FAIM2: variants seen among roughly 807,000 people sequenced by gnomAD.
The protein encoded by FAIM2 is protein lifeguard 2.
In FAIM2, 27 loss-of-function variants were observed where a neutral mutation model predicts 47.4. That is an observed-to-expected ratio of 0.57 (90% CI 0.42 to 0.78). The LOEUF is 0.78. FAIM2 is among the 30% of genes least tolerant of loss of function. The probability of loss-of-function intolerance (pLI) is 0.00; values close to 1 mark genes in which losing one functional copy is unlikely to be tolerated. For synonymous variants in FAIM2, 156 were observed against 159.3 expected, an observed-to-expected ratio of 0.98 and a Z score of 0.16; for missense variants, 311 against 389.4, an observed-to-expected ratio of 0.80 and a Z score of 1.69.
At chr12:49,887,261 C>T in intron 11 of FAIM2, 125 bp downstream of exon 11, 1 of 839,646 alleles carries the variant, frequency 1.2e-6, no homozygotes, top group Non-Finnish European at 2.0e-6. Flanking sequence ...CCGAGCCTAG[C>T]CCTACCCGCA....
At chr12:49,894,247 C>T (rs1177768092) in intron 5 of FAIM2, among the ~76,000 whole-genome samples, 4 of 152,192 alleles carry the variant, frequency 2.6e-5, no homozygotes, top group African/African-American at 9.7e-5. Flanking sequence ...GTGGGACTCC[C>T]CACTAGAGTT....
In FAIM2 at chr12:49,879,148, ATGTGCATGTGTATGTGTG is replaced by A. The variant is rs1165157803; in HGVS notation, c.801+8220_801+8237del. Among the ~76,000 whole-genome samples the A allele has an allele frequency of 2.0e-4, 25 of 126,214 alleles. 3 individuals carry two copies. The allele number at this position is 126,214 out of a possible 152,430, so 82.8% of individuals were successfully genotyped here. On this transcript the variant is annotated intron_variant, in intron 11 of 11. Transcript: ENST00000320634. The stretch of plus-strand genomic sequence containing the variant: ...TGTGCATATCTCTGCATGTTTGTGT[ATGTGCATGTGTATGTGTG>A]TGTGCATGAGTGCATGTGTATGCAT...
chr12:49,901,978 G>T, intron 1 of FAIM2: 1 of 152,630 alleles, frequency 6.6e-6, no homozygotes. Context: ...CAGGCTAAGG[G>T]TCTGTTCTGG....
Position 49,897,010 on chromosome 12 carries a change from TG to T in FAIM2, c.434+20del. On this transcript the variant is annotated intron_variant, in intron 5 of 11. Transcript: ENST00000320634. ...CACTAAGCCTTCTCTGGAAGGGGAC[TG>T]GGGACTGAGATATACTCACTAGGAT... is the stretch of plus-strand genomic sequence containing the variant. 6.2e-7 allele frequency: 1 copy of T among 1,603,070 alleles called. No homozygotes were observed. The highest frequency in any genetic ancestry group is 8.5e-7 in the Non-Finnish European group (1 of 1,169,942).
At chr12:49,903,237 A>G (rs1946993560) in intron 1 of FAIM2, among the ~76,000 whole-genome samples, 1 of 152,274 alleles carries the variant, frequency 6.6e-6, no homozygotes, top group Non-Finnish European at 1.5e-5. Flanking sequence ...CAATTAGAGC[A>G]TCTTGATGCA....
At chr12:49,879,604 GTGTA>G (rs1292496599) in intron 11 of FAIM2, among the ~76,000 whole-genome samples, 44 of 151,808 alleles carry the variant, frequency 2.9e-4, no homozygotes, top group African/African-American at 8.7e-4. Flanking sequence ...GTGCATGCGA[GTGTA>G]TGTGTGTGCA....
intron 11 of FAIM2, among the ~76,000 whole-genome samples, chr12:49,879,241 CATGTGTGTGCATGTGTGT>C (rs1946778273): frequency 9.6e-6 from 1 of 104,328 alleles, no homozygotes; most frequent in Non-Finnish European, 1.8e-5. Flanking sequence ...TGTATGCATG[CATGTGTGTGCATGTGTGT>C]ATGTGTGCAT....
Position 49,878,653 on chromosome 12 carries a change from C to T in FAIM2, c.802-8000G>A, listed in dbSNP as rs1235241177. Among the ~76,000 whole-genome samples the T allele has an allele frequency of 3.1e-4, 26 of 83,164 alleles. 4 individuals are homozygous for T. Among genetic ancestry groups the T allele is most frequent in the Admixed American group, 3.9e-4 (3 of 7,606 alleles). 54.6% of individuals were successfully genotyped at this position (83,164 alleles called of 152,430 possible). On this transcript the variant is annotated intron_variant, in intron 11 of 11. Transcript: ENST00000320634. ...ATGTATGTGCCCTTGTATATATGTG[C>T]GCTTGTATGTGCATGTGTGTATGTG...
intron 11 of FAIM2, among the ~76,000 whole-genome samples, chr12:49,877,855 CAT>C (rs1302180404): frequency 1.2e-4 from 18 of 150,036 alleles, no homozygotes; most frequent in African/African-American, 3.4e-4. Context: ...TAGGTGTGTG[CAT>C]GTGTGTGTGA....
At chr12:49,903,566 A>T (rs1390314393) in intron 1 of FAIM2, among the ~76,000 whole-genome samples, 2 of 152,216 alleles carry the variant, frequency 1.3e-5, no homozygotes, top group Admixed American at 1.3e-4. Flanking sequence ...GCAGGGTGAC[A>T]GGGGAGGAGA....
chr12:49,889,694 T>C, intron 8 of FAIM2, 126 bp from the exon 9 acceptor site: 3 of 733,186 alleles, frequency 4.1e-6, no homozygotes, highest in Non-Finnish European at 7.1e-6. Flanking sequence ...CTGGTGCCCT[T>C]TCCCCAGATC....
chr12:49,897,352 C>T (rs1946944982), intron 4 of FAIM2, among the ~76,000 whole-genome samples, 167 bp downstream of exon 4: 1 of 152,148 alleles, frequency 6.6e-6, no homozygotes, highest in Non-Finnish European at 1.5e-5. Flanking sequence ...GACAGAGGGC[C>T]CCTTGCCTGG....
At chr12:49,887,084 C>A (rs1002056550) in intron 11 of FAIM2, among the ~76,000 whole-genome samples, 8 of 152,084 alleles carry the variant, frequency 5.3e-5, no homozygotes, top group African/African-American at 1.4e-4. Context: ...CTCTCGCCCC[C>A]GCAAGCACCG....
At chr12:49,880,167 T>TGTGTGTCTGTGC (rs146657856) in intron 11 of FAIM2, among the ~76,000 whole-genome samples, 8 of 143,418 alleles carry the variant, frequency 5.6e-5, no homozygotes, top group Non-Finnish European at 1.1e-4. Context: ...TGCATGTGTG[T>TGTGTGTCTGTGC]ATGTGTGTGT....
rs545884899 is a variant in FAIM2 at position 49,885,866 on chromosome 12, G to C, written c.801+1520C>G. On this transcript the variant is annotated intron_variant, in intron 11 of 11. Coordinates refer to ENST00000320634, the MANE Select transcript of FAIM2 (RefSeq NM_012306.4). Reference sequence around the variant, plus strand: ...CTGCTGACCAGGCATCTGGGCAGCCGTGCTGCACATCACACACAGTAGGTG... The same window carrying C: ...CTGCTGACCAGGCATCTGGGCAGCCCTGCTGCACATCACACACAGTAGGTG... Among the ~76,000 whole-genome samples the C allele has an allele frequency of 2.0e-5, 3 of 152,264 alleles. No homozygotes were observed. In the South Asian group the frequency reaches 6.2e-4, roughly 32 times the overall value.
rs1366278656 is a variant in FAIM2 at position 49,891,066 on chromosome 12, G to T, written c.483C>A (p.Pro161=). The T allele has an allele frequency of 6.2e-7, 1 of 1,613,916 alleles. No homozygotes were observed. Among genetic ancestry groups the T allele is most frequent in the East Asian group, 2.2e-5 (1 of 44,894 alleles). Reference sequence around the variant, plus strand: ...TCCTCCTCAAGCCATTAGCATACCTGGGTCCAGAACAGCAAGCCAGGGTCA... The same window carrying T: ...TCCTCCTCAAGCCATTAGCATACCTTGGTCCAGAACAGCAAGCCAGGGTCA... The part of the protein sequence containing the change: ...TYLTLACCSG[P]RRHFPWNLIL... Residue 161 remains proline (P), a splice_region_variant and synonymous_variant, in exon 6 of 12, where the codon CCC becomes CCA. Coordinates refer to ENST00000320634, the MANE Select transcript of FAIM2 (RefSeq NM_012306.4).
chr12:49,878,173 T>A lies in FAIM2; in HGVS notation c.802-7520A>T, dbSNP rs1468274979. ...GTGTGTATGAGTGTATGTGTGTATGTGCATGTGTATATGTGTGTGCATATG... is the reference window on the plus strand; with the variant it reads ...GTGTGTATGAGTGTATGTGTGTATGAGCATGTGTATATGTGTGTGCATATG... On this transcript the variant is annotated intron_variant, in intron 11 of 11. Coordinates refer to ENST00000320634, the MANE Select transcript of FAIM2 (RefSeq NM_012306.4). Among the ~76,000 whole-genome samples, 2 of 66,082 alleles carry A rather than the reference T, an allele frequency of 3.0e-5. 1 individual carries two copies. The allele number at this position is 66,082 out of a possible 152,430, so 43.4% of individuals were successfully genotyped here.
intron 5 of FAIM2, among the ~76,000 whole-genome samples, chr12:49,894,782 T>C (rs2137103170): frequency 6.6e-6 from 1 of 152,294 alleles, no homozygotes; most frequent in East Asian, 1.9e-4. Flanking sequence ...GCTCTGAGCC[T>C]CACTTTCCTC....
chr12:49,899,760 T>C (rs972409507), intron 2 of FAIM2, among the ~76,000 whole-genome samples: 5 of 152,206 alleles, frequency 3.3e-5, no homozygotes, highest in African/African-American at 1.2e-4. Context: ...CACTTGTCTA[T>C]ACAGTCAGCT....
Sources: allele counts gnomAD v4.1 joint callset (sites outside exome capture counted in the v4.1 genomes callset), GRCh38; gene constraint gnomAD v4.1.1; transcripts MANE v1.5; gene names NCBI Gene and HGNC (gene_info 2026-07-23, HGNC 2026-07-21).